CYB5D2: variants seen among roughly 807,000 people sequenced by gnomAD.
CYB5D2 encodes the protein neuferricin.
In CYB5D2, 23 loss-of-function variants were observed where a neutral mutation model predicts 22.8. The observed-to-expected ratio is 1.01, with a 90% CI of 0.73 to 1.43. The LOEUF (loss-of-function observed/expected upper bound fraction) is 1.43, where lower values mean the gene tolerates loss of function less well. Ranked by LOEUF, CYB5D2 falls within the 40% of genes most tolerant of loss-of-function variation. CYB5D2 has a pLI of 0.00. For synonymous variants in CYB5D2, 170 were observed against 152.2 expected (o/e 1.12, Z -0.86); for missense variants, 373 against 357.2 (o/e 1.04, Z -0.36).
Position 4,143,205 on chromosome 17 carries a change from T to C in CYB5D2, c.-551T>C, listed in dbSNP as rs543994319. The C allele has an allele frequency of 1.6e-5, 5 of 306,164 alleles. No individual in the cohort carries two copies. The highest frequency in any genetic ancestry group is 8.6e-5 in the African/African-American group (4 of 46,454). 19.0% of individuals were successfully genotyped at this position (306,164 alleles called of 1,614,324 possible). ...CCGTAGCCTCCGCTGCCGCCATCTT[T>C]GTTGGGGCTGACAACCTGCAAGCCA... On this transcript the variant is annotated 5_prime_UTR_variant, in exon 1 of 4. Transcript: ENST00000301391.
At position 4,156,926 on chromosome 17, in the gene CYB5D2, G is replaced by A. The variant is rs2059117742; in HGVS notation, c.639G>A (p.Lys213=). Residue 213 remains lysine, a synonymous_variant, in exon 4 of 4, where the codon AAG becomes AAA. Coordinates refer to ENST00000301391, the MANE Select transcript of CYB5D2 (RefSeq NM_144611.4). ...VPRKLYKPGA[K]EPRCVCVRTT... is the part of the protein sequence containing the mutation. ...GGAAGCTGTATAAGCCAGGTGCTAA[G>A]GAGCCCCGCTGCGTGTGTGTGAGAA... The A allele has an allele frequency of 2.5e-6, 4 of 1,612,694 alleles. No homozygotes were observed. The African/African-American group carries it at 4.0e-5, about 16-fold the overall frequency.
rs2058927404 is a variant in CYB5D2 at position 4,143,739 on chromosome 17, C to T, written c.-17C>T. ...AGGCGGCAACCTCGGAAGTGCGGAG[C>T]GGGTGGGCCTATATAGATGTTGAGG... On this transcript the variant is annotated 5_prime_UTR_variant, in exon 1 of 4. Transcript: ENST00000301391. The T allele has an allele frequency of 5.0e-6, 8 of 1,592,450 alleles. No homozygotes were observed. Among genetic ancestry groups the T allele is most frequent in the Admixed American group, 1.7e-5 (1 of 57,612 alleles).
chr17:4,143,943 T>C lies in CYB5D2; in HGVS notation c.188T>C (p.Val63Ala), dbSNP rs759678119. ...PGLYLALLGR[V>A]YDVSSGRRHY... ...CTGTACTTGGCGTTGCTCGGCCGTG[T>C]CTACGATGTGTCCTCCGGCCGGAGG... Residue 63 changes from valine to alanine, a missense_variant, in exon 1 of 4, where the codon GTC becomes GCC. Physicochemically the swap from Val to Ala is moderately conservative, Grantham distance 64. Coordinates refer to ENST00000301391, the MANE Select transcript of CYB5D2 (RefSeq NM_144611.4). 1 of 1,613,474 alleles carries C rather than the reference T, an allele frequency of 6.2e-7. No individual in the cohort carries two copies. Among genetic ancestry groups the C allele is most frequent in the Non-Finnish European group, 8.5e-7 (1 of 1,179,972 alleles).
intron 1 of CYB5D2, among the ~76,000 whole-genome samples, chr17:4,146,547 C>T (rs974203543): frequency 6.6e-6 from 1 of 152,080 alleles, no homozygotes; most frequent in Non-Finnish European, 1.5e-5. Flanking sequence ...TCCACCACCA[C>T]ACCTGGCTAA....
rs763334895 is a variant in CYB5D2 at position 4,143,782 on chromosome 17, TTTG to T, written c.31_33del (p.Leu11del). 28 of 1,613,850 alleles carry T rather than the reference TTTG, an allele frequency of 1.7e-5. No individual in the cohort carries two copies. The highest frequency in any genetic ancestry group is 2.2e-5 in the Non-Finnish European group (26 of 1,179,908). On this transcript the variant is annotated inframe_deletion, in exon 1 of 4. Transcript: ENST00000301391. Reference sequence around the variant, plus strand: ...TGTTGAGGTGCGGAGGCCGTGGGCTTTTGTTGGGCCTGGCTGTAGCCGCAGCAG... The same window carrying T: ...TGTTGAGGTGCGGAGGCCGTGGGCTTTTGGGCCTGGCTGTAGCCGCAGCAG...
At chr17:4,151,294 C>T (rs569350968) in intron 2 of CYB5D2, among the ~76,000 whole-genome samples, 197 of 152,178 alleles carry the variant, frequency 1.3e-3, no homozygotes, top group Non-Finnish European at 2.2e-3. Context: ...CCTCTACTCA[C>T]CTGCGCTTCA....
intron 1 of CYB5D2, 110 bp downstream of exon 1, chr17:4,144,115 A>T (rs975935516): frequency 7.1e-7 from 1 of 1,411,806 alleles, no homozygotes; most frequent in African/African-American, 1.4e-5. Context: ...TCCCCACCCC[A>T]CATCCATCAA....
chr17:4,154,581 G>A lies in CYB5D2; in HGVS notation c.392-93G>A, dbSNP rs373244536. ...TTATTAAACGCGCACCAGCAGGACT[G>A]AAGTCAGAAACCCTGGGAACTTGTG... On this transcript the variant is annotated intron_variant, in intron 2 of 3. Coordinates refer to ENST00000301391, the MANE Select transcript of CYB5D2 (RefSeq NM_144611.4). The A allele has an allele frequency of 5.1e-4, 733 of 1,441,266 alleles. 7 individuals are homozygous for A. The African/African-American group carries it at 9.4e-3, about 18-fold the overall frequency. 89.3% of individuals were successfully genotyped at this position (1,441,266 alleles called of 1,614,324 possible).
chr17:4,150,559 C>CTGTGTCTCACTTAGG (rs761938403), intron 2 of CYB5D2, among the ~76,000 whole-genome samples: 4,530 of 152,246 alleles, frequency 0.03, 93 homozygotes, highest in Non-Finnish European at 0.046. Flanking sequence ...AATGAGACAA[C>CTGTGTCTCACTTAGG]ACCAAACTGT....
intron 1 of CYB5D2, among the ~76,000 whole-genome samples, chr17:4,147,138 G>T (rs2059001104): frequency 6.6e-6 from 1 of 152,124 alleles, no homozygotes; most frequent in South Asian, 2.1e-4. Context: ...GGGCACAGTG[G>T]TCCATGCCCG....
rs147452417 is a variant in CYB5D2 at position 4,156,388 on chromosome 17, G to T, written c.579-478G>T. Among the ~76,000 whole-genome samples the T allele has an allele frequency of 2.4e-3, 363 of 152,378 alleles. 2 individuals are homozygous for T. Among genetic ancestry groups the T allele is most frequent in the African/African-American group, 8.4e-3 (350 of 41,590 alleles). On this transcript the variant is annotated intron_variant, in intron 3 of 3. Coordinates refer to ENST00000301391, the MANE Select transcript of CYB5D2 (RefSeq NM_144611.4). Reference sequence around the variant, plus strand: ...GGCTTCCCAGAGAAGGCCGACCCAGGTGGCCAAGGGCCAGGGCCCAATTGC... The same window carrying T: ...GGCTTCCCAGAGAAGGCCGACCCAGTTGGCCAAGGGCCAGGGCCCAATTGC...
chr17:4,147,995 C>G (rs116192899), intron 1 of CYB5D2, among the ~76,000 whole-genome samples: 243 of 152,298 alleles, frequency 1.6e-3, no homozygotes, highest in Middle Eastern at 6.8e-3. Flanking sequence ...ATGATGTGAT[C>G]AGTTTGTGTT....
chr17:4,155,404 G>A lies in CYB5D2; in HGVS notation c.578+544G>A, dbSNP rs573735678. Among the ~76,000 whole-genome samples the A allele has an allele frequency of 4.6e-5, 7 of 152,280 alleles. No homozygotes were observed. The East Asian group carries it at 1.2e-3, about 25-fold the overall frequency. Reference sequence around the variant, plus strand: ...AGACTGAGGCAGGCAGGTCGCTTGAGCTCAGGAGTTGGAGTCCAGCCTGGG... The same window carrying A: ...AGACTGAGGCAGGCAGGTCGCTTGAACTCAGGAGTTGGAGTCCAGCCTGGG... On this transcript the variant is annotated intron_variant, in intron 3 of 3. Transcript: ENST00000301391.
intron 2 of CYB5D2, among the ~76,000 whole-genome samples, chr17:4,153,718 G>A (rs1489976446): frequency 6.6e-6 from 1 of 152,124 alleles, no homozygotes; most frequent in Non-Finnish European, 1.5e-5. Flanking sequence ...TTCAGAGGTA[G>A]GACTGACGAG....
At chr17:4,144,154 T>G in intron 1 of CYB5D2, 149 bp downstream of exon 1, 6 of 1,131,352 alleles carry the variant, frequency 5.3e-6, no homozygotes, top group South Asian at 1.6e-5. Flanking sequence ...ACGAGCTGCA[T>G]GCACTATCCT....
At chr17:4,144,034 C>T (rs778000684) in intron 1 of CYB5D2, 29 bp downstream of exon 1, 3 of 1,557,428 alleles carry the variant, frequency 1.9e-6, no homozygotes, top group Non-Finnish European at 2.6e-6. Flanking sequence ...ACGCCTTTCT[C>T]TCCGCTGGCG....
At chr17:4,156,432 C>G (rs946029298) in intron 3 of CYB5D2, among the ~76,000 whole-genome samples, 6 of 152,244 alleles carry the variant, frequency 3.9e-5, no homozygotes, top group African/African-American at 1.4e-4. Flanking sequence ...AGCCAAGTGC[C>G]CCAGAGAAGA....
chr17:4,144,128 C>A, intron 1 of CYB5D2, 123 bp downstream of exon 1: 1 of 1,368,362 alleles, frequency 7.3e-7, no homozygotes, highest in Non-Finnish European at 9.8e-7. Flanking sequence ...TCCATCAAAC[C>A]CGTGCGGTGG....
chr17:4,149,644 C>G (rs2059031411), intron 1 of CYB5D2, among the ~76,000 whole-genome samples: 1 of 152,146 alleles, frequency 6.6e-6, no homozygotes, highest in Non-Finnish European at 1.5e-5. Context: ...TAAAAAAATA[C>G]AAAAATTAGC....
Sources: gnomAD v4.1 joint callset for allele counts (sites outside exome capture counted in the v4.1 genomes callset) on GRCh38, gnomAD v4.1.1 for gene constraint, MANE v1.5 for transcripts, NCBI Gene and HGNC (gene_info 2026-07-23, HGNC 2026-07-21) for gene names.